SIGLEC6: variants seen among roughly 807,000 people sequenced by gnomAD.
The protein encoded by SIGLEC6 is sialic acid-binding Ig-like lectin 6.
Under a neutral mutation model 41.4 loss-of-function variants are expected in SIGLEC6, and 31 were observed. The ratio of observed to expected loss-of-function variants is 0.75; its 90% CI spans 0.56 to 1.01. The LOEUF (loss-of-function observed/expected upper bound fraction) is 1.01. SIGLEC6 is among the 50% of genes least tolerant of loss of function. The pLI is 0.00. For synonymous variants in SIGLEC6, 217 were observed against 231.0 expected (o/e 0.94, Z 0.55); for missense variants, 555 against 558.6 (o/e 0.99, Z 0.06).
At chr19:51,527,713 A>G in intron 7 of SIGLEC6, 34 bp downstream of exon 7, 1 of 1,596,418 alleles carries the variant, frequency 6.3e-7, no homozygotes, top group Non-Finnish European at 8.6e-7. Context: ...AAAAGGGATA[A>G]TGCTGAATGG....
chr19:51,523,593 G>T (rs1263162146), intron 7 of SIGLEC6, among the ~76,000 whole-genome samples: 1 of 152,176 alleles, frequency 6.6e-6, no homozygotes, highest in African/African-American at 2.4e-5. Context: ...CCTGCTAGAG[G>T]ATAAAAGTAG....
intron 7 of SIGLEC6, among the ~76,000 whole-genome samples, chr19:51,523,304 G>A (rs527469842): frequency 2.0e-5 from 3 of 152,162 alleles, no homozygotes; most frequent in South Asian, 4.1e-4. Flanking sequence ...ACACAAAAAC[G>A]AAAAATAAAT....
Position 51,530,466 on chromosome 19 carries a change from G to T in SIGLEC6, c.725C>A (p.Ala242Asp). Reference protein sequence around the residue: ...LNVSYAPQKVAISIFQGNSAA... With the variant: ...LNVSYAPQKVDISIFQGNSAA... ...GCTGTTTCCTTGGAAGATGCTGATG[G>T]CCACTTTCTGTGGAGCATCTGGGGT... is the stretch of plus-strand genomic sequence containing the variant. The change falls in exon 4 of 8, where the codon GCC (alanine) becomes GAC (aspartate). Residue 242 changes from alanine (A) to aspartate (D), a missense_variant. Physicochemically the swap from Ala to Asp is moderately radical, Grantham distance 126 (BLOSUM62 -2). Coordinates refer to ENST00000425629, the MANE Select transcript of SIGLEC6 (RefSeq NM_001245.7). The T allele has an allele frequency of 1.2e-6, 2 of 1,614,132 alleles. No individual in the cohort carries two copies. The highest frequency in any genetic ancestry group is 1.7e-6 in the Non-Finnish European group (2 of 1,179,976).
chr19:51,529,721 C>T lies in SIGLEC6; in HGVS notation c.1012+3G>A. ...ACTCTCGCGCACCTCCCCCCACACT[C>T]ACAATGCACAAAGAGACTCAGAGAG... On this transcript the variant is annotated splice_donor_region_variant and intron_variant, in intron 5 of 7. Transcript: ENST00000425629. The T allele has an allele frequency of 6.2e-7, 1 of 1,614,044 alleles. No individual in the cohort carries two copies. Among genetic ancestry groups the T allele is most frequent in the Non-Finnish European group, 8.5e-7 (1 of 1,179,966 alleles).
chr19:51,527,303 A>C (rs1979395284), intron 7 of SIGLEC6, among the ~76,000 whole-genome samples: 1 of 152,172 alleles, frequency 6.6e-6, no homozygotes, highest in Non-Finnish European at 1.5e-5. Context: ...GATGCCTGTA[A>C]TATTGTAATA....
chr19:51,519,882 A>C lies in SIGLEC6; in HGVS notation c.*200T>G, dbSNP rs1599977272. ...ACACAAGGAGGAGACAGCCATCTACAAGCCAACAAGAGAGGCCTTAGAAGG... is the reference window on the plus strand; with the variant it reads ...ACACAAGGAGGAGACAGCCATCTACCAGCCAACAAGAGAGGCCTTAGAAGG... On this transcript the variant is annotated 3_prime_UTR_variant, in exon 8 of 8. Coordinates refer to ENST00000425629, the MANE Select transcript of SIGLEC6 (RefSeq NM_001245.7). 2.3e-5 allele frequency: 8 copies of C among 352,554 alleles called. No homozygotes were observed. In the East Asian group the frequency reaches 3.5e-4, roughly 15 times the overall value. 21.8% of individuals were successfully genotyped at this position (352,554 alleles called of 1,614,324 possible). A position where few individuals can be genotyped will look rare whatever the true frequency, so the allele number is the denominator to read the frequency against.
chr19:51,523,751 T>C (rs905326009), intron 7 of SIGLEC6, among the ~76,000 whole-genome samples: 2 of 152,230 alleles, frequency 1.3e-5, no homozygotes, highest in Admixed American at 1.3e-4. Flanking sequence ...CTGGGCACAG[T>C]GGCTCACGCC....
At chr19:51,528,674 T>C (rs1318145004) in intron 5 of SIGLEC6, among the ~76,000 whole-genome samples, 1 of 152,050 alleles carries the variant, frequency 6.6e-6, no homozygotes, top group Non-Finnish European at 1.5e-5. Context: ...AATATGACTG[T>C]TGTCCTTATA....
Position 51,530,703 on chromosome 19 carries a change from T to G in SIGLEC6, c.684A>C (p.Arg228Ser). ...TFPGAGVTME[R>S]TIQLNVSYAP... ...CACAGGAGACATTGAGCTGGATGGT[T>G]CTCTCCATGGTCACACCGGCTCCAG... Residue 228 changes from arginine (R) to serine (S), a missense_variant, in exon 3 of 8, where the codon AGA becomes AGC. Transcript: ENST00000425629. 2.5e-6 allele frequency: 4 copies of G among 1,613,734 alleles called. No individual in the cohort carries two copies. The highest frequency in any genetic ancestry group is 3.4e-6 in the Non-Finnish European group (4 of 1,179,878).
intron 4 of SIGLEC6, among the ~76,000 whole-genome samples, 170 bp downstream of exon 4, chr19:51,530,267 G>A (rs1980033521): frequency 6.6e-6 from 1 of 152,202 alleles, no homozygotes; most frequent in Non-Finnish European, 1.5e-5. Context: ...GAGTGCGAGG[G>A]GTGTGGCAGC....
rs1038383831 is a variant in SIGLEC6, at chr19:51,519,561, C to G, written c.*521G>C. 1 of 152,120 alleles carries G rather than the reference C, an allele frequency of 6.6e-6. No homozygotes were observed. Among genetic ancestry groups the G allele is most frequent in the African/African-American group, 2.4e-5 (1 of 41,410 alleles). The allele number at this position is 152,120 out of a possible 1,614,324, so 9.4% of individuals were successfully genotyped here. A position where few individuals can be genotyped will look rare whatever the true frequency, so the allele number is the denominator to read the frequency against. On this transcript the variant is annotated 3_prime_UTR_variant, in exon 8 of 8. Transcript: ENST00000425629. Reference sequence around the variant, plus strand: ...TGGAGTTGAACTCAGTTCTCTTGGACAGAAGTCCTGTGGTCTGCCATATAT... The same window carrying G: ...TGGAGTTGAACTCAGTTCTCTTGGAGAGAAGTCCTGTGGTCTGCCATATAT...
At position 51,519,163 on chromosome 19, in the gene SIGLEC6, T is replaced by C. The variant is rs1990718530; in HGVS notation, c.*919A>G. Among the ~76,000 whole-genome samples the C allele has an allele frequency of 1.3e-5, 2 of 151,632 alleles. No homozygotes were observed. The highest frequency in any genetic ancestry group is 4.2e-4 in the South Asian group (2 of 4,790). On this transcript the variant is annotated 3_prime_UTR_variant, in exon 8 of 8. Transcript: ENST00000425629. The stretch of plus-strand genomic sequence containing the variant: ...ACAAAAAATTAGCCGGGTGTGGTGG[T>C]GGGTGCCTGTAGTCCCAGCTACTTG...
Position 51,519,775 on chromosome 19 carries a change from G to A in SIGLEC6, c.*307C>T, listed in dbSNP as rs187224771. On this transcript the variant is annotated 3_prime_UTR_variant, in exon 8 of 8. Transcript: ENST00000425629. ...ATTTATTTAAATTAGGTCATGGGGA[G>A]GCCCTAATCCAATATGACTAGTGTC... The A allele has an allele frequency of 7.4e-5, 13 of 175,948 alleles. No individual in the cohort carries two copies. The highest frequency in any genetic ancestry group is 1.9e-4 in the Admixed American group (3 of 16,064). The allele number at this position is 175,948 out of a possible 1,614,324, so 10.9% of individuals were successfully genotyped here.
chr19:51,524,882 C>T (rs1055019377), intron 7 of SIGLEC6, among the ~76,000 whole-genome samples: 17 of 152,180 alleles, frequency 1.1e-4, no homozygotes, highest in Middle Eastern at 3.2e-3. Context: ...AGGCTCCCCA[C>T]GATGGGGAAA....
chr19:51,522,536 G>A (rs1314546185), intron 7 of SIGLEC6, among the ~76,000 whole-genome samples: 1 of 152,208 alleles, frequency 6.6e-6, no homozygotes, highest in Admixed American at 6.5e-5. Context: ...TGTAATCCCA[G>A]AACTTTGGGA....
At chr19:51,520,386 C>CATTTT (rs1413665534) in intron 7 of SIGLEC6, 131 bp from the exon 8 acceptor site, 2 of 495,324 alleles carry the variant, frequency 4.0e-6, no homozygotes, top group Non-Finnish European at 6.3e-6. Flanking sequence ...TATTTTATTT[C>CATTTT]ATTTTATTTT....
At chr19:51,525,178 C>T (rs1978993102) in intron 7 of SIGLEC6, among the ~76,000 whole-genome samples, 1 of 152,168 alleles carries the variant, frequency 6.6e-6, no homozygotes, top group Non-Finnish European at 1.5e-5. Context: ...GCATACCTCA[C>T]CTCTGCTACA....
At position 51,519,296 on chromosome 19, in the gene SIGLEC6, G is replaced by GA. The variant is rs10651662; in HGVS notation, c.*785dup. Among the ~76,000 whole-genome samples the GA allele has an allele frequency of 0.085, 7,667 of 90,694 alleles. 629 individuals are homozygous for GA. The highest frequency in any genetic ancestry group is 0.15 in the Middle Eastern group (20 of 132). The allele number at this position is 90,694 out of a possible 152,430, so 59.5% of individuals were successfully genotyped here. ...GGAGATACAGCAAGACTCCATCTCAGAAAAAAAAAAAAAAAAAAAAAGCTA... is the reference window on the plus strand; with the variant it reads ...GGAGATACAGCAAGACTCCATCTCAGAAAAAAAAAAAAAAAAAAAAAAGCTA... On this transcript the variant is annotated 3_prime_UTR_variant, in exon 8 of 8. Coordinates refer to ENST00000425629, the MANE Select transcript of SIGLEC6 (RefSeq NM_001245.7).
At chr19:51,528,370 A>C in intron 5 of SIGLEC6, 117 bp from the exon 6 acceptor site, 1 of 817,876 alleles carries the variant, frequency 1.2e-6, no homozygotes, top group Non-Finnish European at 2.0e-6. Flanking sequence ...GTCACTCACC[A>C]TTTCACTGCC....
Sources: gnomAD v4.1 joint callset for allele counts (sites outside exome capture counted in the v4.1 genomes callset) on GRCh38, gnomAD v4.1.1 for gene constraint, MANE v1.5 for transcripts, NCBI Gene and HGNC (gene_info 2026-07-23, HGNC 2026-07-21) for gene names.